PLOD2: variants seen among roughly 807,000 people sequenced by gnomAD.
PLOD2 encodes lysine hydroxylase 2.
In PLOD2, 65 loss-of-function variants were observed where a neutral mutation model predicts 101.0. The observed-to-expected ratio is 0.64, with a 90% confidence interval of 0.53 to 0.79. The LOEUF (loss-of-function observed/expected upper bound fraction) is 0.79, where lower values mean the gene tolerates loss of function less well. PLOD2 is among the 30% of genes least tolerant of loss of function. The pLI is 0.00. For missense variants in PLOD2, 909 were observed against 914.6 expected (o/e 0.99, Z 0.08); for synonymous variants, 314 against 302.9 (o/e 1.04, Z -0.38).
At chr3:146,105,899 A>G (rs1384362178) in intron 5 of PLOD2, among the ~76,000 whole-genome samples, 4 of 152,206 alleles carry the variant, frequency 2.6e-5, no homozygotes, top group Admixed American at 2.0e-4. Flanking sequence ...TTAAACTGCA[A>G]AAGTTCACTC....
intron 3 of PLOD2, among the ~76,000 whole-genome samples, chr3:146,114,600 A>C (rs1937811861): frequency 2.6e-5 from 4 of 152,202 alleles, no homozygotes. Flanking sequence ...TTGATCCAAC[A>C]AGCATTCCTA....
At chr3:146,113,201 AAAGTT>A (rs1293259656) in intron 3 of PLOD2, among the ~76,000 whole-genome samples, 1 of 152,206 alleles carries the variant, frequency 6.6e-6, no homozygotes, top group African/African-American at 2.4e-5. Context: ...TTTAAAGCAA[AAAGTT>A]AAGACAAAAG....
chr3:146,108,956 A>AT lies in PLOD2; in HGVS notation c.502+1328dup, dbSNP rs1168244450. Among the ~76,000 whole-genome samples the AT allele has an allele frequency of 2.6e-5, 4 of 152,248 alleles. No homozygotes were observed. In the South Asian group the frequency reaches 6.2e-4, roughly 24 times the overall value. On this transcript the variant is annotated intron_variant, in intron 4 of 19. Transcript: ENST00000282903. ...TAGAATAAGTTGCAAGATTAGCCATATATTACTGAGGTCTTGACAGTATGG... is the reference window on the plus strand; with the variant it reads ...TAGAATAAGTTGCAAGATTAGCCATATTATTACTGAGGTCTTGACAGTATGG...
chr3:146,094,013 C>G (rs978214640), intron 7 of PLOD2, among the ~76,000 whole-genome samples: 1 of 152,146 alleles, frequency 6.6e-6, no homozygotes, highest in Non-Finnish European at 1.5e-5. Context: ...ATCACCACCC[C>G]CCATTTACAT....
At chr3:146,102,270 G>T (rs1457798567) in intron 7 of PLOD2, among the ~76,000 whole-genome samples, 1 of 152,168 alleles carries the variant, frequency 6.6e-6, no homozygotes, top group African/African-American at 2.4e-5. Flanking sequence ...ATTTGAAACA[G>T]AAAGGCATCC....
At chr3:146,082,075 T>C (rs1490287561) in intron 11 of PLOD2, among the ~76,000 whole-genome samples, 9 of 152,134 alleles carry the variant, frequency 5.9e-5, no homozygotes, top group Non-Finnish European at 1.5e-5. Flanking sequence ...TCATATTTCT[T>C]AAAAAGAGTA....
At chr3:146,135,508 C>CT (rs2108116351) in intron 1 of PLOD2, among the ~76,000 whole-genome samples, 1 of 152,150 alleles carries the variant, frequency 6.6e-6, no homozygotes, top group African/African-American at 2.4e-5. Context: ...AAGAAACATT[C>CT]TAGCATTCAC....
In PLOD2 at chr3:146,139,501, G is replaced by A. The variant is rs769433966; in HGVS notation, c.110-15272C>T. ...ATTTATCTTGATAAATGCTCACCCC[G>A]GTAGCGTTATAAACGCCAACTATCA... is the stretch of plus-strand genomic sequence containing the variant. On this transcript the variant is annotated intron_variant, in intron 1 of 19. Coordinates refer to ENST00000282903, the MANE Select transcript of PLOD2 (RefSeq NM_182943.3). 9.7e-4 allele frequency among the ~76,000 whole-genome samples: 147 copies of A among 152,048 alleles called. 1 individual carries two copies. The highest frequency in any genetic ancestry group is 1.7e-3 in the Non-Finnish European group (116 of 67,990).
intron 10 of PLOD2, chr3:146,086,573 C>T (rs192953078): frequency 2.3e-5 from 7 of 307,926 alleles, no homozygotes; most frequent in African/African-American, 4.3e-5. Flanking sequence ...TATGTGGACT[C>T]GTAGCCATTA....
intron 7 of PLOD2, among the ~76,000 whole-genome samples, chr3:146,098,764 A>G (rs988468844): frequency 1.3e-5 from 2 of 152,138 alleles, no homozygotes; most frequent in Non-Finnish European, 2.9e-5. Flanking sequence ...GTTTAGTTCA[A>G]TATTATGGCT....
At position 146,077,563 on chromosome 3, in the gene PLOD2, C is replaced by T. The variant is rs906038177; in HGVS notation, c.1563+299G>A. ...AAATTCTATTTTATACCTACTTCTA[C>T]CCTCTTCTCTCCCTTTAAAAAGAAA... On this transcript the variant is annotated intron_variant, in intron 14 of 19. Coordinates refer to ENST00000282903, the MANE Select transcript of PLOD2 (RefSeq NM_182943.3). 9 of 273,962 alleles carry T rather than the reference C, an allele frequency of 3.3e-5. No homozygotes were observed. The Admixed American group carries it at 3.9e-4, about 12-fold the overall frequency. 17.0% of individuals were successfully genotyped at this position (273,962 alleles called of 1,614,324 possible). A position where few individuals can be genotyped will look rare whatever the true frequency, so the allele number is the denominator to read the frequency against.
chr3:146,077,952 T>C (rs529217668), intron 13 of PLOD2, 28 bp from the exon 14 acceptor site: 14 of 1,308,796 alleles, frequency 1.1e-5, no homozygotes, highest in East Asian at 6.9e-5. Flanking sequence ...ATTGGGTAAG[T>C]TGACCTGTAC....
rs1559834222 is a variant in PLOD2 at position 146,076,980 on chromosome 3, A to C, written c.1564-85T>G. On this transcript the variant is annotated intron_variant, in intron 14 of 19. Coordinates refer to ENST00000282903, the MANE Select transcript of PLOD2 (RefSeq NM_182943.3). ...ATAGGAAAAATATATAGAAGATATTAATTTCTATCTTTATATTTCATTTAT... is the reference window on the plus strand; with the variant it reads ...ATAGGAAAAATATATAGAAGATATTCATTTCTATCTTTATATTTCATTTAT... The C allele has an allele frequency of 4.1e-6, 5 of 1,231,266 alleles. No individual in the cohort carries two copies. In the East Asian group the frequency reaches 1.1e-4, roughly 27 times the overall value. The allele number at this position is 1,231,266 out of a possible 1,614,324, so 76.3% of individuals were successfully genotyped here.
chr3:146,133,747 G>A (rs1244227319), intron 1 of PLOD2, among the ~76,000 whole-genome samples: 3 of 152,162 alleles, frequency 2.0e-5, no homozygotes, highest in Non-Finnish European at 2.9e-5. Flanking sequence ...GGGCGGGGAG[G>A]AGGTTCAATC....
chr3:146,095,696 C>T (rs1356410858), intron 7 of PLOD2, among the ~76,000 whole-genome samples: 2 of 152,096 alleles, frequency 1.3e-5, no homozygotes, highest in Non-Finnish European at 2.9e-5. Flanking sequence ...ACCCAGTAAT[C>T]TCATTACAGG....
intron 1 of PLOD2, among the ~76,000 whole-genome samples, chr3:146,145,724 A>G (rs2108131827): frequency 6.6e-6 from 1 of 152,298 alleles, no homozygotes; most frequent in South Asian, 2.1e-4. Flanking sequence ...TAAAAGGCTG[A>G]GTCAAATTAA....
At chr3:146,106,164 G>T (rs936213121) in intron 5 of PLOD2, among the ~76,000 whole-genome samples, 1 of 152,150 alleles carries the variant, frequency 6.6e-6, no homozygotes, top group African/African-American at 2.4e-5. Flanking sequence ...AGTGGAGGTA[G>T]GGCCATGACA....
At chr3:146,098,993 A>C (rs1009123831) in intron 7 of PLOD2, among the ~76,000 whole-genome samples, 2 of 152,162 alleles carry the variant, frequency 1.3e-5, no homozygotes, top group Non-Finnish European at 2.9e-5. Context: ...TATTAGTGTT[A>C]AATGTTTACA....
chr3:146,130,184 C>G (rs149948558), intron 1 of PLOD2, among the ~76,000 whole-genome samples: 2 of 152,252 alleles, frequency 1.3e-5, no homozygotes, highest in East Asian at 3.9e-4. Context: ...AAGAGAAGAG[C>G]CTTTTCAAGA....
Sources: allele counts gnomAD v4.1 joint callset (sites outside exome capture counted in the v4.1 genomes callset), GRCh38; gene constraint gnomAD v4.1.1; transcripts MANE v1.5; gene names NCBI Gene and HGNC (gene_info 2026-07-23, HGNC 2026-07-21).